The following ZNF516 variants were observed in gnomAD, a reference collection of about 807,000 sequenced individuals.
ZNF516 encodes zinc finger protein 516.
In ZNF516, 19 loss-of-function variants were observed where a neutral mutation model predicts 79.7. The ratio of observed to expected loss-of-function variants is 0.24; its 90% CI spans 0.17 to 0.35. The LOEUF is 0.35. ZNF516 is among the 10% of genes least tolerant of loss of function. ZNF516 has a pLI of 1.00. For missense variants in ZNF516, 1,678 were observed against 1,679.5 expected, an observed-to-expected ratio of 1.00 and a Z score of 0.02; for synonymous variants, 877 against 739.5, an observed-to-expected ratio of 1.19 and a Z score of -3.02.
intron 1 of ZNF516, among the ~76,000 whole-genome samples, chr18:76,470,303 T>C (rs1469606110): frequency 6.6e-6 from 1 of 152,168 alleles, no homozygotes; most frequent in Non-Finnish European, 1.5e-5. Context: ...TCACAAGTGG[T>C]CAGGATACAA....
chr18:76,409,199 G>A (rs1347951472), intron 3 of ZNF516, among the ~76,000 whole-genome samples: 1 of 152,116 alleles, frequency 6.6e-6, no homozygotes, highest in African/African-American at 2.4e-5. Flanking sequence ...TGTGGTTGTG[G>A]ATTCCACTTC....
chr18:76,362,680 A>C, intron 6 of ZNF516, 123 bp from the exon 7 acceptor site: 1 of 936,596 alleles, frequency 1.1e-6, no homozygotes, highest in Non-Finnish European at 1.6e-6. Flanking sequence ...TTCACAAAGC[A>C]AGCCAACCAA....
At chr18:76,427,317 T>C (rs1040410606) in intron 3 of ZNF516, among the ~76,000 whole-genome samples, 1 of 152,100 alleles carries the variant, frequency 6.6e-6, no homozygotes, top group Non-Finnish European at 1.5e-5. Flanking sequence ...ATGCTGGAGG[T>C]TTATATGAAA....
chr18:76,397,356 T>C (rs1225771910), intron 3 of ZNF516, among the ~76,000 whole-genome samples: 1 of 151,148 alleles, frequency 6.6e-6, no homozygotes, highest in Non-Finnish European at 1.5e-5. Flanking sequence ...ACACATACAA[T>C]GTGAACTACA....
chr18:76,447,094 A>G (rs1033674979), intron 2 of ZNF516, among the ~76,000 whole-genome samples: 1 of 152,216 alleles, frequency 6.6e-6, no homozygotes, highest in Non-Finnish European at 1.5e-5. Context: ...GGGGTTACTC[A>G]GTGGCCAAAT....
chr18:76,379,861 G>A lies in ZNF516; in HGVS notation c.2253C>T (p.Ser751=). The A allele has an allele frequency of 1.9e-6, 3 of 1,613,890 alleles. No homozygotes were observed. Among genetic ancestry groups the A allele is most frequent in the Non-Finnish European group, 2.5e-6 (3 of 1,179,868 alleles). Residue 751 remains serine, a synonymous_variant, in exon 4 of 7, where the codon TCC becomes TCT. Coordinates refer to ENST00000443185, the MANE Select transcript of ZNF516 (RefSeq NM_014643.4). ...GAACGACTAAAGCCGCCTGCAGGGA[G>A]GAGGCCGTCTCCTTATTGCTGGGGT... ...RDDPSNKETA[S]SLQAALVVHP...
rs760804392 is a variant in ZNF516, at chr18:76,379,469, G to T, written c.2645C>A (p.Pro882His). 1.8e-5 allele frequency: 29 copies of T among 1,613,658 alleles called. No homozygotes were observed. In the East Asian group the frequency reaches 5.8e-4, roughly 32 times the overall value. Residue 882 changes from proline (P) to histidine (H), a missense_variant, in exon 4 of 7, where the codon CCT (proline) becomes CAT (histidine). Around this residue, in one of 5 missense-constraint regions of ZNF516, gnomAD observed 1,294 missense variants for 1,248.3 expected, o/e 1.04. Transcript: ENST00000443185. ...AGGTTTGGTCTGTCGATACCCGTCA[G>T]GGCCGGGCGCCCACAGAGCGCAGGG... ...GGPCALWAPG[P>H]DGYRQTKPCH...
chr18:76,492,235 A>G, intron 1 of ZNF516: 1 of 985,414 alleles, frequency 1.0e-6, no homozygotes, highest in Non-Finnish European at 1.2e-6. Flanking sequence ...TTACACGGAG[A>G]TGCTGCTCGG....
chr18:76,441,999 G>T lies in ZNF516; in HGVS notation c.1056C>A (p.Ala352=). Residue 352 remains alanine, a synonymous_variant, in exon 3 of 7, where the codon GCC becomes GCA. Transcript: ENST00000443185. ...NLFTNLDSLN[A]HNAIHRRVEA... is the part of the protein sequence containing the mutation. The stretch of plus-strand genomic sequence containing the variant: ...CGACTCTGCGGTGGATGGCATTGTG[G>T]GCGTTCAAGCTGTCCAGGTTTGTAA... 1 of 1,613,588 alleles carries T rather than the reference G, an allele frequency of 6.2e-7. No individual in the cohort carries two copies. Among genetic ancestry groups the T allele is most frequent in the Non-Finnish European group, 8.5e-7 (1 of 1,179,846 alleles).
At chr18:76,461,325 G>A (rs1261067248) in intron 2 of ZNF516, among the ~76,000 whole-genome samples, 4 of 152,154 alleles carry the variant, frequency 2.6e-5, no homozygotes, top group Admixed American at 6.5e-5. Flanking sequence ...ACAGAACACC[G>A]ATCACCATGG....
chr18:76,445,779 G>C (rs1013730733), intron 2 of ZNF516, among the ~76,000 whole-genome samples: 1 of 152,238 alleles, frequency 6.6e-6, no homozygotes, highest in Non-Finnish European at 1.5e-5. Flanking sequence ...CACCCAGGAG[G>C]AGCCCAGGCC....
At chr18:76,445,184 G>C (rs1187034525) in intron 2 of ZNF516, among the ~76,000 whole-genome samples, 1 of 151,542 alleles carries the variant, frequency 6.6e-6, no homozygotes, top group Admixed American at 6.6e-5. Flanking sequence ...TTGAACCCGG[G>C]AGAGGGAGGT....
intron 3 of ZNF516, 26 bp downstream of exon 3, chr18:76,441,219 C>T (rs2145534254): frequency 6.3e-7 from 1 of 1,598,070 alleles, no homozygotes; most frequent in East Asian, 2.2e-5. Flanking sequence ...TCCCAGGACC[C>T]AGGCCACCTG....
intron 1 of ZNF516, among the ~76,000 whole-genome samples, chr18:76,479,139 C>T (rs933366776): frequency 1.3e-5 from 2 of 152,034 alleles, no homozygotes; most frequent in Admixed American, 6.5e-5. Context: ...ATCAGGATAC[C>T]TCAGTCTGTC....
At chr18:76,428,292 C>T (rs894027662) in intron 3 of ZNF516, among the ~76,000 whole-genome samples, 13 of 151,338 alleles carry the variant, frequency 8.6e-5, no homozygotes, top group African/African-American at 3.2e-4. Context: ...AATTGGGAGG[C>T]TGAGGCAGGA....
At chr18:76,453,125 T>C (rs2092846946) in intron 2 of ZNF516, among the ~76,000 whole-genome samples, 1 of 152,196 alleles carries the variant, frequency 6.6e-6, no homozygotes, top group African/African-American at 2.4e-5. Flanking sequence ...TTCACAGAAC[T>C]AAAAAATAAC....
intron 2 of ZNF516, among the ~76,000 whole-genome samples, chr18:76,446,466 G>A (rs549533718): frequency 3.9e-5 from 6 of 152,318 alleles, no homozygotes; most frequent in African/African-American, 9.6e-5. Context: ...ACGGCTGAGC[G>A]GAAGATGGCA....
chr18:76,460,821 G>A (rs566095937), intron 2 of ZNF516, among the ~76,000 whole-genome samples: 60 of 152,272 alleles, frequency 3.9e-4, no homozygotes, highest in Middle Eastern at 3.4e-3. Context: ...CCACATGATC[G>A]CCTCGCTTGT....
rs1219558906 is a variant in ZNF516, at chr18:76,360,274, T to A, written c.*2224A>T. ...TAAAAATGTAGACTACACTTTCGTG[T>A]CACTTTGGGTACAGAATTTCTTTTT... On this transcript the variant is annotated 3_prime_UTR_variant, in exon 7 of 7. Transcript: ENST00000443185. The A allele has an allele frequency of 6.6e-6, 1 of 152,188 alleles. No individual in the cohort carries two copies. The highest frequency in any genetic ancestry group is 1.5e-5 in the Non-Finnish European group (1 of 68,034). 9.4% of individuals were successfully genotyped at this position (152,188 alleles called of 1,614,324 possible). A position where few individuals can be genotyped will look rare whatever the true frequency, so the allele number is the denominator to read the frequency against.
Sources: gnomAD v4.1 joint callset for allele counts (sites outside exome capture counted in the v4.1 genomes callset) on GRCh38, gnomAD v4.1.1 for gene constraint, gnomAD v4.1.1 regional missense constraint, MANE v1.5 for transcripts, NCBI Gene and HGNC (gene_info 2026-07-23, HGNC 2026-07-21) for gene names.